Variants in MCM9 observed in about 807,000 individuals in gnomAD.
The protein encoded by MCM9 is minichromosome maintenance 9 homologous recombination repair factor, also known as DNA helicase MCM9.
MCM9 carries 55 observed loss-of-function variants against 72.8 expected under a neutral mutation model. That is an observed-to-expected ratio of 0.76 (90% CI 0.61 to 0.95). MCM9 has a LOEUF of 0.95. MCM9 is among the 40% of genes least tolerant of loss of function. The pLI is 0.00. For synonymous variants in MCM9, 480 were observed against 503.4 expected (o/e 0.95, Z 0.62); for missense variants, 1,279 against 1,377.0 (o/e 0.93, Z 1.13).
intron 13 of MCM9, among the ~76,000 whole-genome samples, chr6:118,825,710 C>T (rs1243447348): frequency 6.6e-6 from 1 of 152,164 alleles, no homozygotes; most frequent in Non-Finnish European, 1.5e-5. Context: ...TTGGTAGAGT[C>T]CACATTCACA....
intron 6 of MCM9, among the ~76,000 whole-genome samples, chr6:118,914,163 G>A (rs1375320187): frequency 6.6e-6 from 1 of 152,172 alleles, no homozygotes; most frequent in Non-Finnish European, 1.5e-5. Flanking sequence ...GGGGCATCAA[G>A]GCATTAAGAA....
intron 3 of MCM9, among the ~76,000 whole-genome samples, chr6:118,925,796 A>ATC (rs1277972251): frequency 5.9e-5 from 9 of 152,008 alleles, no homozygotes; most frequent in Admixed American, 1.3e-4. Context: ...CAGCCCAGAA[A>ATC]TCTCTCTCTC....
At chr6:118,838,739 G>C (rs568695421) in intron 9 of MCM9, among the ~76,000 whole-genome samples, 42 of 152,332 alleles carry the variant, frequency 2.8e-4, no homozygotes, top group African/African-American at 9.9e-4. Context: ...TTTTCTTTAA[G>C]AATGTTGAAT....
chr6:118,821,542 C>T lies in MCM9; in HGVS notation c.1961+4605G>A, dbSNP rs886323100. Among the ~76,000 whole-genome samples, 12 of 152,130 alleles carry T rather than the reference C, an allele frequency of 7.9e-5. No individual in the cohort carries two copies. The East Asian group carries it at 1.9e-3, about 24-fold the overall frequency. ...TAGGTAACCTGACCTTTCTCTCTGG[C>T]TGCCCTTAACATTTTTTCCTTCATT... On this transcript the variant is annotated intron_variant, in intron 13 of 13. Transcript: ENST00000619706.
chr6:118,865,462 A>G (rs546990517), intron 8 of MCM9, among the ~76,000 whole-genome samples: 48 of 152,322 alleles, frequency 3.2e-4, no homozygotes, highest in African/African-American at 1.1e-3. Context: ...GTCTTGAACA[A>G]GTGTGCAAAC....
At chr6:118,885,754 C>T (rs1474576852) in intron 8 of MCM9, among the ~76,000 whole-genome samples, 1 of 152,028 alleles carries the variant, frequency 6.6e-6, no homozygotes, top group African/African-American at 2.4e-5. Context: ...GAATCAAACA[C>T]CAAATTTTCA....
At chr6:118,832,377 T>C (rs1314876917) in intron 9 of MCM9, among the ~76,000 whole-genome samples, 1 of 152,198 alleles carries the variant, frequency 6.6e-6, no homozygotes, top group African/African-American at 2.4e-5. Context: ...TTTGTCCTAC[T>C]AAATGTGGTC....
At position 118,849,519 on chromosome 6, in the gene MCM9, A is replaced by G. The variant is rs1025884897; in HGVS notation, c.1325+6852T>C. Among the ~76,000 whole-genome samples the G allele has an allele frequency of 4.0e-5, 6 of 151,814 alleles. No homozygotes were observed. The East Asian group carries it at 7.7e-4, about 20-fold the overall frequency. On this transcript the variant is annotated intron_variant, in intron 9 of 13. Coordinates refer to ENST00000619706, the MANE Select transcript of MCM9 (RefSeq NM_017696.3). ...ATTCCTGAAGCATAAAAGGGCCAGT[A>G]TTAAATTGACCTTATATTAGGCTGC...
Position 118,924,137 on chromosome 6 carries a change from A to G in MCM9, c.305-10T>C. The G allele has an allele frequency of 6.2e-7, 1 of 1,602,418 alleles. No individual in the cohort carries two copies. The highest frequency in any genetic ancestry group is 8.5e-7 in the Non-Finnish European group (1 of 1,172,398). On this transcript the variant is annotated splice_polypyrimidine_tract_variant and intron_variant, in intron 3 of 13. Transcript: ENST00000619706. ...GGACAGACAGGCAAACCTGATGGAG[A>G]AAACAAAAAAACAGCATCAACTTCA...
intron 8 of MCM9, among the ~76,000 whole-genome samples, chr6:118,881,389 C>T (rs979465075): frequency 6.6e-6 from 1 of 152,086 alleles, no homozygotes; most frequent in Admixed American, 6.5e-5. Flanking sequence ...ACACACCCTT[C>T]CAAAAAACAG....
At chr6:118,851,036 G>A (rs969744200) in intron 9 of MCM9, among the ~76,000 whole-genome samples, 1 of 151,436 alleles carries the variant, frequency 6.6e-6, no homozygotes, top group African/African-American at 2.4e-5. Flanking sequence ...GCTCAGTCTG[G>A]TCTTGAACTC....
At chr6:118,894,816 T>C (rs1370069122) in intron 8 of MCM9, among the ~76,000 whole-genome samples, 1 of 152,130 alleles carries the variant, frequency 6.6e-6, no homozygotes, top group Admixed American at 6.5e-5. Flanking sequence ...CCGCACTCGC[T>C]CCCGCTGCGC....
chr6:118,868,066 G>A lies in MCM9; in HGVS notation c.1151-11521C>T, dbSNP rs550633032. 7.9e-5 allele frequency among the ~76,000 whole-genome samples: 12 copies of A among 151,688 alleles called. No individual in the cohort carries two copies. In the East Asian group the frequency reaches 1.5e-3, roughly 20 times the overall value. On this transcript the variant is annotated intron_variant, in intron 8 of 13. Transcript: ENST00000619706. ...TAATTTTTGTATTTTTAGTAGAGAC[G>A]GGGTTTCACCATGTTGGCCAGGCTC...
chr6:118,820,437 T>A (rs1297696919), intron 13 of MCM9, among the ~76,000 whole-genome samples: 1 of 152,226 alleles, frequency 6.6e-6, no homozygotes, highest in Non-Finnish European at 1.5e-5. Flanking sequence ...CAGTTTTGAG[T>A]GAGTTTCTTA....
intron 8 of MCM9, among the ~76,000 whole-genome samples, chr6:118,868,935 C>A (rs1382771611): frequency 6.6e-6 from 1 of 152,090 alleles, no homozygotes. Context: ...CAAAGGATTA[C>A]AAATCATGCT....
chr6:118,842,191 C>T (rs1775419425), intron 9 of MCM9, among the ~76,000 whole-genome samples: 1 of 152,126 alleles, frequency 6.6e-6, no homozygotes, highest in Non-Finnish European at 1.5e-5. Context: ...GAGTATAATT[C>T]AGTAGACATT....
At chr6:118,818,501 T>A (rs1562397168) in intron 13 of MCM9, among the ~76,000 whole-genome samples, 1 of 152,230 alleles carries the variant, frequency 6.6e-6, no homozygotes, top group Non-Finnish European at 1.5e-5. Context: ...TCTGTTTTGG[T>A]ACCAGCACCA....
intron 13 of MCM9, among the ~76,000 whole-genome samples, chr6:118,818,541 T>C (rs1428091930): frequency 1.3e-5 from 2 of 152,206 alleles, no homozygotes; most frequent in Non-Finnish European, 2.9e-5. Flanking sequence ...GCCTGCAGTA[T>C]AGTTTGAAGT....
intron 6 of MCM9, among the ~76,000 whole-genome samples, chr6:118,916,240 A>C (rs1780936102): frequency 6.6e-6 from 1 of 151,584 alleles, no homozygotes; most frequent in Non-Finnish European, 1.5e-5. Flanking sequence ...AATCATTTAA[A>C]AATGTATGAT....
Sources: gnomAD v4.1 joint callset for allele counts (sites outside exome capture counted in the v4.1 genomes callset) on GRCh38, gnomAD v4.1.1 for gene constraint, MANE v1.5 for transcripts, NCBI Gene and HGNC (gene_info 2026-07-23, HGNC 2026-07-21) for gene names.